The following SLC12A8 variants were observed in gnomAD, a reference collection of about 807,000 sequenced individuals.
SLC12A8 encodes cation-chloride cotransporter 9.
A neutral mutation model predicts 75.6 loss-of-function variants in SLC12A8; 69 were observed. That is an observed-to-expected ratio of 0.91 (90% CI 0.75 to 1.11). The LOEUF is 1.11. Among genes scored for constraint, SLC12A8 ranks in the 50% most tolerant of loss-of-function variants. The pLI is 0.00. For synonymous variants in SLC12A8, 365 were observed against 372.8 expected, an observed-to-expected ratio of 0.98 and a Z score of 0.24; for missense variants, 877 against 896.7, an observed-to-expected ratio of 0.98 and a Z score of 0.28.
intron 5 of SLC12A8, among the ~76,000 whole-genome samples, chr3:125,137,848 A>T (rs957006472): frequency 1.3e-5 from 2 of 152,118 alleles, no homozygotes; most frequent in Non-Finnish European, 2.9e-5. Context: ...CTCAGTTGCC[A>T]TCTCTTGCAG....
Position 125,083,648 on chromosome 3 carries a change from G to T in SLC12A8, c.*242C>A. 2.6e-6 allele frequency: 1 copy of T among 388,666 alleles called. No individual in the cohort carries two copies. The highest frequency in any genetic ancestry group is 4.7e-6 in the Non-Finnish European group (1 of 213,082). 24.1% of individuals were successfully genotyped at this position (388,666 alleles called of 1,614,324 possible). On this transcript the variant is annotated 3_prime_UTR_variant, in exon 14 of 14. Coordinates refer to ENST00000469902, the MANE Select transcript of SLC12A8 (RefSeq NM_024628.6). ...GAGGCAGGAGAATTGCTTGAACTCG[G>T]GAAGCAGAGGTTGCAGTGAGCCAAG...
chr3:125,174,093 A>G lies in SLC12A8; in HGVS notation c.622+3650T>C, dbSNP rs143151475. Among the ~76,000 whole-genome samples, 38 of 152,278 alleles carry G rather than the reference A, an allele frequency of 2.5e-4. No homozygotes were observed. The East Asian group carries it at 7.1e-3, about 29-fold the overall frequency. ...GGTGACAGAACAAGACCCTGTCTCA[A>G]AACAGAACAAAACAACTCAATGATA... On this transcript the variant is annotated intron_variant, in intron 5 of 13. Coordinates refer to ENST00000469902, the MANE Select transcript of SLC12A8 (RefSeq NM_024628.6).
chr3:125,141,957 CGCCCGAAGGGCGTCGGG>C (rs1933652111), intron 5 of SLC12A8, among the ~76,000 whole-genome samples: 1 of 152,086 alleles, frequency 6.6e-6, no homozygotes, highest in Non-Finnish European at 1.5e-5. Flanking sequence ...CGCACGACGA[CGCCCGAAGGGCGTCGGG>C]GGAAGTGGTA....
At chr3:125,199,745 C>CA (rs113768805) in intron 2 of SLC12A8, among the ~76,000 whole-genome samples, 1,790 of 147,026 alleles carry the variant, frequency 0.012, 42 homozygotes, top group African/African-American at 0.041. Context: ...GACCTGGTCT[C>CA]AAAAAAAAAT....
chr3:125,121,817 T>C (rs1206634484), intron 6 of SLC12A8, among the ~76,000 whole-genome samples: 1 of 152,190 alleles, frequency 6.6e-6, no homozygotes, highest in Non-Finnish European at 1.5e-5. Context: ...AGTGACAGTT[T>C]GGAACCAGAA....
rs1352517091 is a variant in SLC12A8 at position 125,149,002 on chromosome 3, C to A, written c.623-13220G>T. 2.6e-5 allele frequency among the ~76,000 whole-genome samples: 4 copies of A among 152,204 alleles called. No individual in the cohort carries two copies. The East Asian group carries it at 7.7e-4, about 29-fold the overall frequency. ...CACAGGCAGGATGTGTCGGCCCACC[C>A]CTCAGCGGTCACCCATCGCTTCCTC... On this transcript the variant is annotated intron_variant, in intron 5 of 13. Transcript: ENST00000469902.
chr3:125,093,771 G>A (rs953526739), intron 10 of SLC12A8, among the ~76,000 whole-genome samples: 1 of 152,152 alleles, frequency 6.6e-6, no homozygotes, highest in African/African-American at 2.4e-5. Flanking sequence ...AACTCACTAA[G>A]TATTCCTAGC....
chr3:125,117,718 G>C, intron 8 of SLC12A8, among the ~76,000 whole-genome samples: 2 of 152,082 alleles, frequency 1.3e-5, no homozygotes, highest in Non-Finnish European at 2.9e-5. Flanking sequence ...GGAATCTCAG[G>C]GTCTACTTTT....
intron 5 of SLC12A8, among the ~76,000 whole-genome samples, chr3:125,165,496 G>A (rs745755011): frequency 1.3e-5 from 2 of 152,176 alleles, no homozygotes; most frequent in Non-Finnish European, 2.9e-5. Context: ...AAGGAGACTC[G>A]GGGACACGCC....
intron 10 of SLC12A8, among the ~76,000 whole-genome samples, chr3:125,093,934 G>A (rs989821492): frequency 5.3e-5 from 8 of 152,054 alleles, no homozygotes; most frequent in African/African-American, 1.9e-4. Context: ...TCAGCCCCTG[G>A]TTCACCATCT....
intron 3 of SLC12A8, among the ~76,000 whole-genome samples, chr3:125,188,227 C>T (rs535597830): frequency 4.6e-5 from 7 of 152,260 alleles, no homozygotes; most frequent in Middle Eastern, 3.4e-3. Flanking sequence ...GCCTTCTCTC[C>T]GGCTACGTGG....
At chr3:125,162,080 A>T (rs1934187591) in intron 5 of SLC12A8, among the ~76,000 whole-genome samples, 1 of 152,252 alleles carries the variant, frequency 6.6e-6, no homozygotes, top group Admixed American at 6.5e-5. Context: ...CAACACAGGA[A>T]GGTTGGCGCC....
chr3:125,158,452 C>T (rs1413352454), intron 5 of SLC12A8, among the ~76,000 whole-genome samples: 2 of 152,134 alleles, frequency 1.3e-5, no homozygotes, highest in African/African-American at 4.8e-5. Flanking sequence ...AACTCCTGAC[C>T]TCAAGTGATC....
chr3:125,106,473 C>T (rs972766721), intron 10 of SLC12A8, among the ~76,000 whole-genome samples: 2 of 151,948 alleles, frequency 1.3e-5, no homozygotes, highest in African/African-American at 4.8e-5. Flanking sequence ...AGCAACTCTC[C>T]TGCCACTGCA....
intron 5 of SLC12A8, among the ~76,000 whole-genome samples, chr3:125,145,212 T>G (rs892446834): frequency 6.6e-6 from 1 of 152,182 alleles, no homozygotes; most frequent in African/African-American, 2.4e-5. Context: ...TTGTCCAATA[T>G]GTCCTATGGG....
intron 5 of SLC12A8, among the ~76,000 whole-genome samples, chr3:125,173,904 A>G (rs1934463648): frequency 6.6e-6 from 1 of 152,236 alleles, no homozygotes; most frequent in South Asian, 2.1e-4. Flanking sequence ...CAGCCTGGCC[A>G]ACATGGTGAA....
chr3:125,212,391 CGGCCTCCGCAGGCCGCCCCGCA>C (rs1401180444), intron 1 of SLC12A8, among the ~76,000 whole-genome samples: 7 of 152,012 alleles, frequency 4.6e-5, no homozygotes, highest in South Asian at 2.1e-4. Context: ...CGCCGCCCCG[CGGCCTCCGCAGGCCGCCCCGCA>C]GGCCTCCGCC....
rs57011863 is a variant in SLC12A8, at chr3:125,104,003, T to TA, written c.1705+3477dup. ...CATTTTAGTAAAAGCCTCCAAGATT[T>TA]AAAAAAAAAAAAAAAGAGAGAGAAA... On this transcript the variant is annotated intron_variant, in intron 10 of 13. Coordinates refer to ENST00000469902, the MANE Select transcript of SLC12A8 (RefSeq NM_024628.6). Among the ~76,000 whole-genome samples, 820 of 135,554 alleles carry TA rather than the reference T, an allele frequency of 6.0e-3. 7 individuals are homozygous for TA. The highest frequency in any genetic ancestry group is 0.021 in the South Asian group (86 of 4,152). 88.9% of individuals were successfully genotyped at this position (135,554 alleles called of 152,430 possible).
intron 3 of SLC12A8, among the ~76,000 whole-genome samples, chr3:125,188,165 T>C (rs1184018115): frequency 2.0e-5 from 3 of 152,200 alleles, no homozygotes; most frequent in Non-Finnish European, 4.4e-5. Context: ...GAGTTCTCAC[T>C]CTGTTCGTTC....
Sources: gnomAD v4.1 joint callset for allele counts (sites outside exome capture counted in the v4.1 genomes callset) on GRCh38, gnomAD v4.1.1 for gene constraint, MANE v1.5 for transcripts, NCBI Gene and HGNC (gene_info 2026-07-23, HGNC 2026-07-21) for gene names.